Variants in PPIL6 observed in about 807,000 individuals in gnomAD.
PPIL6 encodes the protein probable inactive peptidyl-prolyl cis-trans isomerase-like 6.
Under a neutral mutation model 36.8 loss-of-function variants are expected in PPIL6, and 39 were observed. The observed-to-expected ratio is 1.06, with a 90% CI of 0.82 to 1.38. The LOEUF (loss-of-function observed/expected upper bound fraction) is 1.38. Among genes scored for constraint, PPIL6 ranks in the 40% most tolerant of loss-of-function variants. The probability of loss-of-function intolerance (pLI) is 0.00; values close to 1 mark genes in which losing one functional copy is unlikely to be tolerated. For synonymous variants in PPIL6, 123 were observed against 134.1 expected (o/e 0.92, Z 0.57); for missense variants, 368 against 379.1 (o/e 0.97, Z 0.24).
At chr6:109,403,763 T>C (rs1410747093) in intron 6 of PPIL6, among the ~76,000 whole-genome samples, 1 of 152,216 alleles carries the variant, frequency 6.6e-6, no homozygotes, top group Admixed American at 6.5e-5. Flanking sequence ...ACATTACTTA[T>C]TGCATTATTT....
intron 7 of PPIL6, among the ~76,000 whole-genome samples, chr6:109,399,702 C>T (rs1772448666): frequency 6.6e-6 from 1 of 151,970 alleles, no homozygotes. Flanking sequence ...CATGCCAAGC[C>T]AGATAATTTT....
intron 5 of PPIL6, among the ~76,000 whole-genome samples, chr6:109,421,839 G>A (rs191639319): frequency 4.5e-4 from 68 of 152,110 alleles, no homozygotes; most frequent in Middle Eastern, 3.4e-3. Flanking sequence ...AGGAGTTCAA[G>A]ACCAGCCTGG....
rs377735159 is a variant in PPIL6 at position 109,436,087 on chromosome 6, C to T, written c.231+17G>A. 8 of 1,378,924 alleles carry T rather than the reference C, an allele frequency of 5.8e-6. No homozygotes were observed. Among genetic ancestry groups the T allele is most frequent in the Admixed American group, 1.7e-5 (1 of 59,230 alleles). 85.4% of individuals were successfully genotyped at this position (1,378,924 alleles called of 1,614,324 possible). A position where few individuals can be genotyped will look rare whatever the true frequency, so the allele number is the denominator to read the frequency against. On this transcript the variant is annotated intron_variant, in intron 2 of 7. Transcript: ENST00000521072. ...TGGCTTGTTGTCTATATCCCCCACA[C>T]CCCAAATATCCTTTACCCTTTTTTT... is the stretch of plus-strand genomic sequence containing the variant.
At chr6:109,402,156 G>A (rs1163194078) in intron 6 of PPIL6, among the ~76,000 whole-genome samples, 1 of 152,214 alleles carries the variant, frequency 6.6e-6, no homozygotes, top group Non-Finnish European at 1.5e-5. Flanking sequence ...TTCTGTGATT[G>A]TGGGATAATT....
At chr6:109,408,813 A>C (rs1049848116) in intron 6 of PPIL6, among the ~76,000 whole-genome samples, 1 of 152,054 alleles carries the variant, frequency 6.6e-6, no homozygotes, top group Non-Finnish European at 1.5e-5. Context: ...TTCTTCATTT[A>C]CTTTTGGTTT....
chr6:109,427,207 A>T, intron 3 of PPIL6, 51 bp from the exon 4 acceptor site: 1 of 1,401,078 alleles, frequency 7.1e-7, no homozygotes, highest in South Asian at 1.3e-5. Flanking sequence ...CTTACAAGAA[A>T]GTTTTCAGAA....
At chr6:109,427,019 C>A in intron 4 of PPIL6, 25 bp from the exon 5 acceptor site, 1 of 1,597,770 alleles carries the variant, frequency 6.3e-7, no homozygotes. Context: ...CAAAAGGTTT[C>A]AAAGATTAAA....
chr6:109,427,147 C>G lies in PPIL6; in HGVS notation c.430G>C (p.Val144Leu), dbSNP rs372432146. Reference protein sequence around the residue: ...KFLRDTKHDFVFLDICIDSSP... With the variant: ...KFLRDTKHDFLFLDICIDSSP... ...GAATCAATACAAATGTCCAAAAACA[C>G]GAAATCATGCTGTGAAGATTAAGGA... The change falls in exon 4 of 8, where the codon GTG becomes CTG. Residue 144 changes from valine (V) to leucine (L), a missense_variant. Transcript: ENST00000521072. The G allele has an allele frequency of 6.2e-7, 1 of 1,610,540 alleles. No homozygotes were observed. The highest frequency in any genetic ancestry group is 8.5e-7 in the Non-Finnish European group (1 of 1,177,734).
At chr6:109,394,236 G>C (rs951802964) in intron 7 of PPIL6, among the ~76,000 whole-genome samples, 1 of 152,054 alleles carries the variant, frequency 6.6e-6, no homozygotes. Context: ...AACTGGGCTT[G>C]GTGGTGCACA....
At chr6:109,437,548 C>CTTTTTTTTTTTT (rs71551374) in intron 1 of PPIL6, among the ~76,000 whole-genome samples, 20 of 97,944 alleles carry the variant, frequency 2.0e-4, no homozygotes, top group South Asian at 3.8e-4. Flanking sequence ...TATTTCTTTT[C>CTTTTTTTTTTTT]TTTTTTTTTT....
chr6:109,431,676 TCTCA>T (rs886458583), intron 2 of PPIL6, among the ~76,000 whole-genome samples: 5 of 152,320 alleles, frequency 3.3e-5, no homozygotes, highest in African/African-American at 1.2e-4. Context: ...AGCAGTTATG[TCTCA>T]CTCTCCCTTG....
chr6:109,427,174 A>AATCAT lies in PPIL6; in HGVS notation c.421-23_421-19dup. 2.5e-6 allele frequency: 4 copies of AATCAT among 1,588,710 alleles called. No individual in the cohort carries two copies. The South Asian group carries it at 4.5e-5, about 18-fold the overall frequency. On this transcript the variant is annotated intron_variant, in intron 3 of 7. Coordinates refer to ENST00000521072, the MANE Select transcript of PPIL6 (RefSeq NM_173672.5). ...AAATCATGCTGTGAAGATTAAGGAG[A>AATCAT]ATCATATAATGCAGGTCAAAGTCTT... is the stretch of plus-strand genomic sequence containing the variant.
At chr6:109,405,292 T>G (rs1472445241) in intron 6 of PPIL6, among the ~76,000 whole-genome samples, 1 of 152,210 alleles carries the variant, frequency 6.6e-6, no homozygotes, top group Non-Finnish European at 1.5e-5. Flanking sequence ...TAATGTTTCC[T>G]TATAGTTTTA....
intron 2 of PPIL6, among the ~76,000 whole-genome samples, chr6:109,431,875 CT>C (rs1468355189): frequency 2.0e-5 from 3 of 152,158 alleles, no homozygotes; most frequent in African/African-American, 7.2e-5. Flanking sequence ...ATTCTTTTTT[CT>C]TTAAACACTT....
intron 6 of PPIL6, among the ~76,000 whole-genome samples, chr6:109,412,486 A>C (rs1773056380): frequency 1.3e-5 from 2 of 152,246 alleles, no homozygotes; most frequent in Admixed American, 1.3e-4. Flanking sequence ...ACCTGACTTC[A>C]AATTATACTA....
chr6:109,420,782 G>A (rs1773503276), intron 5 of PPIL6, among the ~76,000 whole-genome samples: 1 of 152,166 alleles, frequency 6.6e-6, no homozygotes, highest in African/African-American at 2.4e-5. Context: ...ATAAAAGTGT[G>A]TGTGCTATTT....
chr6:109,404,272 C>T (rs779909797), intron 6 of PPIL6, among the ~76,000 whole-genome samples: 35 of 152,168 alleles, frequency 2.3e-4, no homozygotes, highest in Non-Finnish European at 3.7e-4. Flanking sequence ...GCCCACGTTC[C>T]ATCTGAGGCT....
At chr6:109,438,876 C>T (rs1179085141) in intron 1 of PPIL6, among the ~76,000 whole-genome samples, 2 of 152,158 alleles carry the variant, frequency 1.3e-5, no homozygotes, top group African/African-American at 2.4e-5. Flanking sequence ...CAAGAGCCAC[C>T]GCGCTCGGCC....
chr6:109,427,169 A>G lies in PPIL6; in HGVS notation c.421-13T>C, dbSNP rs1290058863. 3.1e-6 allele frequency: 5 copies of G among 1,602,730 alleles called. No homozygotes were observed. In the East Asian group the frequency reaches 8.9e-5, roughly 29 times the overall value. ...ACACGAAATCATGCTGTGAAGATTA[A>G]GGAGAATCATATAATGCAGGTCAAA... On this transcript the variant is annotated splice_polypyrimidine_tract_variant and intron_variant, in intron 3 of 7. Transcript: ENST00000521072.
Sources: gnomAD v4.1 joint callset for allele counts (sites outside exome capture counted in the v4.1 genomes callset) on GRCh38, gnomAD v4.1.1 for gene constraint, MANE v1.5 for transcripts, NCBI Gene and HGNC (gene_info 2026-07-23, HGNC 2026-07-21) for gene names.